NOS2: variants seen among roughly 807,000 people sequenced by gnomAD.
The protein encoded by NOS2 is nitric oxide synthase, inducible.
Under a neutral mutation model 136.0 loss-of-function variants are expected in NOS2, and 96 were observed. That is an observed-to-expected ratio of 0.71 (90% CI 0.60 to 0.84). The LOEUF (loss-of-function observed/expected upper bound fraction) is 0.84, where lower values mean the gene tolerates loss of function less well. Among genes scored for constraint, NOS2 ranks in the 40% least tolerant of loss-of-function variants. The pLI is 0.00. For synonymous variants in NOS2, 539 were observed against 587.5 expected, an observed-to-expected ratio of 0.92 and a Z score of 1.20; for missense variants, 1,237 against 1,496.9, an observed-to-expected ratio of 0.83 and a Z score of 2.87.
chr17:27,784,860 T>A (rs6505469), intron 5 of NOS2, among the ~76,000 whole-genome samples: 94,148 of 152,038 alleles, frequency 0.62, 30,225 homozygotes, highest in African/African-American at 0.8. Context: ...CACCCCCAGG[T>A]TCTCTTGCTC....
Position 27,757,344 on chromosome 17 carries a change from G to T in NOS2, c.3364C>A (p.Arg1122Ser). Reference protein sequence around the residue: ...DYFFQLKSQKRYHEDIFGAVF... With the variant: ...DYFFQLKSQKSYHEDIFGAVF... ...GCACCAAAGATATCTTCGTGATAGC[G>T]CTTCTGGCTCTTTTAGGTAAAAACA... is the stretch of plus-strand genomic sequence containing the variant. The change falls in exon 27 of 27, where the codon CGC becomes AGC. Residue 1122 changes from arginine to serine, a missense_variant. Arg to Ser is a moderately radical substitution (Grantham distance 110). Around this residue, in one of 3 missense-constraint regions of NOS2, gnomAD observed 782 missense variants for 909.9 expected, o/e 0.86. Transcript: ENST00000313735. The T allele has an allele frequency of 6.2e-7, 1 of 1,613,840 alleles. No individual in the cohort carries two copies. The highest frequency in any genetic ancestry group is 8.5e-7 in the Non-Finnish European group (1 of 1,179,892).
intron 2 of NOS2, among the ~76,000 whole-genome samples, chr17:27,796,592 C>T (rs28998808): frequency 4.3e-4 from 65 of 152,160 alleles, no homozygotes; most frequent in African/African-American, 1.4e-3. Flanking sequence ...GTGGGATGGG[C>T]TCTCCATTTG....
chr17:27,799,551 T>C (rs750511890), intron 1 of NOS2, among the ~76,000 whole-genome samples: 2 of 152,186 alleles, frequency 1.3e-5, no homozygotes, highest in Non-Finnish European at 2.9e-5. Context: ...ATAGTCCATG[T>C]AAGAATTTTA....
At chr17:27,781,287 C>T (rs1908840844) in intron 7 of NOS2, 110 bp from the exon 8 acceptor site, 2 of 1,253,616 alleles carry the variant, frequency 1.6e-6, no homozygotes, top group Non-Finnish European at 2.2e-6. Flanking sequence ...AGCCCCTGAT[C>T]CCAAGCTGAC....
chr17:27,791,798 A>T (rs1909202155), intron 2 of NOS2, among the ~76,000 whole-genome samples: 1 of 150,682 alleles, frequency 6.6e-6, no homozygotes, highest in African/African-American at 2.4e-5. Flanking sequence ...AAAACAAAAC[A>T]AAACAAAAAT....
In NOS2 at chr17:27,779,285, T is replaced by G. The variant is rs537501373; in HGVS notation, c.1005-229A>C. Among the ~76,000 whole-genome samples, 7 of 90,210 alleles carry G rather than the reference T, an allele frequency of 7.8e-5. No individual in the cohort carries two copies. In the East Asian group the frequency reaches 2.3e-3, roughly 29 times the overall value. 59.2% of individuals were successfully genotyped at this position (90,210 alleles called of 152,430 possible). ...GTGCCATCTTGCTCAGCTAATTTTT[T>G]TCCTTATTATTATTATTATTATTAT... On this transcript the variant is annotated intron_variant, in intron 9 of 26. Coordinates refer to ENST00000313735, the MANE Select transcript of NOS2 (RefSeq NM_000625.4).
At chr17:27,767,635 T>A in intron 18 of NOS2, 70 bp downstream of exon 18, 19 of 1,556,192 alleles carry the variant, frequency 1.2e-5, no homozygotes, top group Non-Finnish European at 1.6e-5. Flanking sequence ...CCTGGGGGTC[T>A]CCTTGACCAT....
In NOS2 at chr17:27,768,984, G is replaced by A; in HGVS notation, c.2027C>T (p.Thr676Ile). The change falls in exon 17 of 27, where the codon ACC becomes ATC. Residue 676 changes from threonine to isoleucine, a missense_variant. This residue lies in a region of NOS2 where 782 missense variants were observed against 909.9 expected (regional missense o/e 0.86). Transcript: ENST00000313735. ...CTCTGGCTGGGAACTGACCTTGAAG[G>A]TTTGCACGGCCCAGCTGCGGAAGGC... ...EDAFRSWAVQ[T>I]FKAACETFDV... is the part of the protein sequence containing the mutation. The A allele has an allele frequency of 6.2e-7, 1 of 1,604,542 alleles. No individual in the cohort carries two copies. The highest frequency in any genetic ancestry group is 8.5e-7 in the Non-Finnish European group (1 of 1,175,450).
chr17:27,762,841 T>G lies in NOS2; in HGVS notation c.2757A>C (p.Thr919=). 1.3e-6 allele frequency: 2 copies of G among 1,560,698 alleles called. No individual in the cohort carries two copies. Among genetic ancestry groups the G allele is most frequent in the Non-Finnish European group, 1.7e-6 (2 of 1,153,186 alleles). The part of the protein sequence containing the change: ...SISSSRDHTP[T]EIHLTVAVVT... ...CCACGGCCACAGTCAGGTGGATCTC[T>G]GTGGGCGTGTGATCCCGGGAGGAGC... Residue 919 remains threonine, a synonymous_variant, in exon 22 of 27, where the codon ACA becomes ACC. Transcript: ENST00000313735.
chr17:27,762,982 C>G lies in NOS2; in HGVS notation c.2616G>C (p.Lys872Asn). 1 of 1,603,368 alleles carries G rather than the reference C, an allele frequency of 6.2e-7. No individual in the cohort carries two copies. The part of the protein sequence containing the change: ...LCQPSEYSKW[K>N]FTNSPTFLEV... ...CCAGGAATGTGGGGCTGTTGGTGAA[C>G]TTCCACTTGCTGTACTCTGAGGGCT... Residue 872 changes from lysine (K) to asparagine (N), a missense_variant, in exon 22 of 27, where the codon AAG becomes AAC. Transcript: ENST00000313735.
At chr17:27,766,707 T>G in intron 18 of NOS2, 119 bp from the exon 19 acceptor site, 1 of 767,502 alleles carries the variant, frequency 1.3e-6, no homozygotes, top group Non-Finnish European at 2.3e-6. Context: ...CCTGCTGAGG[T>G]GGCCGTTGGG....
intron 11 of NOS2, among the ~76,000 whole-genome samples, chr17:27,776,311 G>A (rs376877285): frequency 4.9e-4 from 75 of 152,302 alleles, no homozygotes; most frequent in African/African-American, 1.7e-3. Flanking sequence ...TCTTGTGGAC[G>A]TGGGCTCTCA....
chr17:27,769,474 T>C, intron 16 of NOS2, 61 bp downstream of exon 16: 1 of 1,461,216 alleles, frequency 6.8e-7, no homozygotes, highest in South Asian at 1.1e-5. Context: ...TTCCATCCCC[T>C]GAACCCAGAC....
chr17:27,789,772 T>A, intron 2 of NOS2, 84 bp from the exon 3 acceptor site: 1 of 941,338 alleles, frequency 1.1e-6, no homozygotes, highest in Non-Finnish European at 1.7e-6. Flanking sequence ...TAACCTCATT[T>A]GACAAATAGG....
At chr17:27,769,271 G>A (rs1450431344) in intron 16 of NOS2, 120 bp from the exon 17 acceptor site, 3 of 1,047,462 alleles carry the variant, frequency 2.9e-6, no homozygotes, top group African/African-American at 1.6e-5. Context: ...GGAGAATGGA[G>A]CTGGACCCCC....
At chr17:27,778,501 G>A (rs886403208) in intron 11 of NOS2, among the ~76,000 whole-genome samples, 189 bp downstream of exon 11, 3 of 152,176 alleles carry the variant, frequency 2.0e-5, no homozygotes, top group South Asian at 2.1e-4. Context: ...GTCCTTGAGC[G>A]ATTGAGAGAG....
chr17:27,763,004 G>C lies in NOS2; in HGVS notation c.2594C>G (p.Pro865Arg). The C allele has an allele frequency of 6.3e-7, 1 of 1,594,818 alleles. No individual in the cohort carries two copies. ...ERQRLEALCQPSEYSKWKFTN... is the reference protein window; with the variant it reads ...ERQRLEALCQRSEYSKWKFTN... ...GAACTTCCACTTGCTGTACTCTGAG[G>C]GCTAAAAGCCAAGGGTGATGTCAGT... is the stretch of plus-strand genomic sequence containing the variant. The change falls in exon 22 of 27, where the codon CCC becomes CGC. Residue 865 changes from proline (P) to arginine (R), a missense_variant and splice_region_variant. Pro to Arg is a moderately radical substitution (Grantham distance 103, BLOSUM62 -2). Around this residue, in one of 3 missense-constraint regions of NOS2, gnomAD observed 782 missense variants for 909.9 expected, o/e 0.86. Coordinates refer to ENST00000313735, the MANE Select transcript of NOS2 (RefSeq NM_000625.4).
chr17:27,787,633 G>A (rs745480020), intron 5 of NOS2, 45 bp downstream of exon 5: 1 of 1,457,998 alleles, frequency 6.9e-7, no homozygotes, highest in Non-Finnish European at 9.5e-7. Context: ...CAGGAGAGCA[G>A]GAGGAAGGGC....
intron 11 of NOS2, among the ~76,000 whole-genome samples, chr17:27,776,529 C>T (rs373088031): frequency 6.6e-6 from 1 of 151,914 alleles, no homozygotes; most frequent in Non-Finnish European, 1.5e-5. Flanking sequence ...AAAAATTAGC[C>T]GGGTATGGTG....
Sources: allele counts gnomAD v4.1 joint callset (sites outside exome capture counted in the v4.1 genomes callset), GRCh38; gene constraint gnomAD v4.1.1; regional missense constraint gnomAD v4.1.1; transcripts MANE v1.5; gene names NCBI Gene and HGNC (gene_info 2026-07-23, HGNC 2026-07-21).